Variants in ANGPT1 observed in about 807,000 individuals in gnomAD.
ANGPT1 encodes the protein angiopoietin-1.
Under a neutral mutation model 62.2 loss-of-function variants are expected in ANGPT1, and 17 were observed. The ratio of observed to expected loss-of-function variants is 0.27; its 90% CI spans 0.19 to 0.41. The LOEUF (loss-of-function observed/expected upper bound fraction) is 0.41. Ranked by LOEUF, ANGPT1 falls within the 10% of genes least tolerant of loss-of-function variation. The probability of loss-of-function intolerance (pLI) is 1.00; values close to 1 mark genes in which losing one functional copy is unlikely to be tolerated. For synonymous variants in ANGPT1, 199 were observed against 198.9 expected, an observed-to-expected ratio of 1.00 and a Z score of 0.00; for missense variants, 478 against 594.9, an observed-to-expected ratio of 0.80 and a Z score of 2.04.
At chr8:107,416,566 T>G (rs1408465667) in intron 1 of ANGPT1, among the ~76,000 whole-genome samples, 1 of 152,120 alleles carries the variant, frequency 6.6e-6, no homozygotes, top group African/African-American at 2.4e-5. Context: ...CTTTGGCCTT[T>G]TATGGAAACC....
intron 8 of ANGPT1, among the ~76,000 whole-genome samples, chr8:107,259,397 T>C (rs756406559): frequency 1.3e-5 from 2 of 152,148 alleles, no homozygotes; most frequent in African/African-American, 2.4e-5. Context: ...TGTTAGCATC[T>C]GGAAAGTTCT....
intron 1 of ANGPT1, among the ~76,000 whole-genome samples, chr8:107,432,221 T>C (rs889916527): frequency 6.6e-6 from 1 of 151,984 alleles, no homozygotes; most frequent in African/African-American, 2.4e-5. Context: ...TAGACTAAAA[T>C]ATAAATATTC....
chr8:107,382,500 C>T lies in ANGPT1; in HGVS notation c.298-35403G>A, dbSNP rs1037702318. On this transcript the variant is annotated intron_variant, in intron 1 of 8. Coordinates refer to ENST00000517746, the MANE Select transcript of ANGPT1 (RefSeq NM_001146.5). ...ATAGCACCAGGGTATTGCAGATATC[C>T]AACAGTGCTGTGCTGATAAATTTTG... 4.5e-4 allele frequency among the ~76,000 whole-genome samples: 68 copies of T among 151,146 alleles called. 1 individual carries two copies. Among genetic ancestry groups the T allele is most frequent in the Admixed American group, 6.6e-5 (1 of 15,094 alleles).
At chr8:107,391,758 G>C (rs1338977341) in intron 1 of ANGPT1, among the ~76,000 whole-genome samples, 2 of 152,168 alleles carry the variant, frequency 1.3e-5, no homozygotes, top group African/African-American at 4.8e-5. Flanking sequence ...GTATGGTATA[G>C]TCCACTGAAC....
At chr8:107,459,193 A>G (rs900899304) in intron 1 of ANGPT1, among the ~76,000 whole-genome samples, 9 of 151,992 alleles carry the variant, frequency 5.9e-5, no homozygotes, top group African/African-American at 2.2e-4. Context: ...GAGCTCCGCA[A>G]CTCCATGGAG....
At position 107,263,269 on chromosome 8, in the gene ANGPT1, G is replaced by A. The variant is rs575969830; in HGVS notation, c.1336+952C>T. On this transcript the variant is annotated intron_variant, in intron 8 of 8. Coordinates refer to ENST00000517746, the MANE Select transcript of ANGPT1 (RefSeq NM_001146.5). Reference sequence around the variant, plus strand: ...CTCGGGAGGCTGAGGCAGGAGAATCGCTTGAACCCAGGAGGTGGAGGCTGC... The same window carrying A: ...CTCGGGAGGCTGAGGCAGGAGAATCACTTGAACCCAGGAGGTGGAGGCTGC... Among the ~76,000 whole-genome samples, 256 of 143,686 alleles carry A rather than the reference G, an allele frequency of 1.8e-3. 1 individual carries two copies. Among genetic ancestry groups the A allele is most frequent in the African/African-American group, 6.3e-3 (241 of 38,398 alleles). The allele number at this position is 143,686 out of a possible 152,430, so 94.3% of individuals were successfully genotyped here. A position where few individuals can be genotyped will look rare whatever the true frequency, so the allele number is the denominator to read the frequency against.
chr8:107,495,175 C>T (rs1813060209), intron 1 of ANGPT1, among the ~76,000 whole-genome samples: 1 of 152,168 alleles, frequency 6.6e-6, no homozygotes, highest in Non-Finnish European at 1.5e-5. Context: ...TCTTGATCCT[C>T]CAACCAATCA....
At chr8:107,252,522 T>A (rs1231276791) in intron 8 of ANGPT1, among the ~76,000 whole-genome samples, 1 of 152,218 alleles carries the variant, frequency 6.6e-6, no homozygotes, top group Non-Finnish European at 1.5e-5. Flanking sequence ...TAATTGGCCC[T>A]AAGCTGCTTC....
At chr8:107,278,330 C>G (rs1014077156) in intron 7 of ANGPT1, among the ~76,000 whole-genome samples, 1 of 152,142 alleles carries the variant, frequency 6.6e-6, no homozygotes, top group African/African-American at 2.4e-5. Context: ...GCAGTCCTCC[C>G]ACTTTGGCCT....
chr8:107,293,939 T>C lies in ANGPT1; in HGVS notation c.1035A>G (p.Lys345=), dbSNP rs1733303008. The change falls in exon 6 of 9, where the codon AAA becomes AAG. Residue 345 remains lysine (K), a synonymous_variant. Coordinates refer to ENST00000517746, the MANE Select transcript of ANGPT1 (RefSeq NM_001146.5). The part of the protein sequence containing the change: ...LDFQRGWKEY[K]MGFGNPSGEY... Reference sequence around the variant, plus strand: ...ACCATAAATTCTTGCATCTTACCATTTTATATTCCTTCCAGCCTCTTTGGA... The same window carrying C: ...ACCATAAATTCTTGCATCTTACCATCTTATATTCCTTCCAGCCTCTTTGGA... The C allele has an allele frequency of 6.2e-7, 1 of 1,611,366 alleles. No individual in the cohort carries two copies. The highest frequency in any genetic ancestry group is 1.7e-5 in the Admixed American group (1 of 59,632).
intron 6 of ANGPT1, among the ~76,000 whole-genome samples, chr8:107,291,507 G>C (rs1814272679): frequency 6.6e-6 from 1 of 152,022 alleles, no homozygotes; most frequent in Non-Finnish European, 1.5e-5. Flanking sequence ...TGCCTCCCAG[G>C]TTCAAGCGAT....
At chr8:107,321,041 A>G (rs1050793405) in intron 4 of ANGPT1, among the ~76,000 whole-genome samples, 6 of 152,078 alleles carry the variant, frequency 3.9e-5, no homozygotes, top group Non-Finnish European at 7.4e-5. Flanking sequence ...CATTCAGAGA[A>G]AGGCTGATTA....
intron 1 of ANGPT1, among the ~76,000 whole-genome samples, chr8:107,432,890 T>C (rs1201891175): frequency 2.0e-5 from 3 of 152,190 alleles, no homozygotes; most frequent in Non-Finnish European, 1.5e-5. Context: ...CAGAATCTTC[T>C]GGTTTAATCG....
intron 1 of ANGPT1, among the ~76,000 whole-genome samples, chr8:107,429,648 GAAA>G (rs34291237): frequency 0.33 from 39,717 of 118,946 alleles, 6,475 homozygotes; most frequent in Middle Eastern, 0.48. Context: ...GCTCCAGGAG[GAAA>G]AAAAAAAAAA....
chr8:107,336,664 C>CAAAAAA, intron 2 of ANGPT1: 1 of 61,356 alleles, frequency 1.6e-5, no homozygotes, highest in Non-Finnish European at 2.9e-5. Flanking sequence ...GACTCTGTCT[C>CAAAAAA]AAAAAAAAAA....
intron 1 of ANGPT1, among the ~76,000 whole-genome samples, chr8:107,390,167 A>G (rs1487633586): frequency 2.0e-5 from 3 of 152,126 alleles, no homozygotes; most frequent in South Asian, 4.1e-4. Flanking sequence ...CTAGTTCCTT[A>G]TTTTTAATCT....
At chr8:107,270,282 A>C (rs1813707647) in intron 7 of ANGPT1, among the ~76,000 whole-genome samples, 1 of 152,022 alleles carries the variant, frequency 6.6e-6, no homozygotes, top group African/African-American at 2.4e-5. Context: ...TTTGGCCTCA[A>C]CCCTTTTAAA....
chr8:107,458,352 G>A (rs1334432102), intron 1 of ANGPT1, among the ~76,000 whole-genome samples: 3 of 152,058 alleles, frequency 2.0e-5, no homozygotes, highest in Non-Finnish European at 4.4e-5. Context: ...TTCAGCTTGT[G>A]ATATTAATAA....
chr8:107,336,185 C>G lies in ANGPT1; in HGVS notation c.540G>C (p.Gln180His), dbSNP rs370541556. Reference sequence around the variant, plus strand: ...CATGGATCTTCAAGATTTCATTTGTCTGTTGAAGAAGTTGCTTCTCTAGCT... The same window carrying G: ...CATGGATCTTCAAGATTTCATTTGTGTGTTGAAGAAGTTGCTTCTCTAGCT... ...TYKLEKQLLQ[Q>H]TNEILKIHEK... is the part of the protein sequence containing the mutation. The change falls in exon 3 of 9, where the codon CAG (glutamine) becomes CAC (histidine). Residue 180 changes from glutamine (Q) to histidine (H), a missense_variant. This residue lies in a region of ANGPT1 where 343 missense variants were observed against 355.4 expected (regional missense o/e 0.97). Coordinates refer to ENST00000517746, the MANE Select transcript of ANGPT1 (RefSeq NM_001146.5). 1 of 1,605,850 alleles carries G rather than the reference C, an allele frequency of 6.2e-7. No individual in the cohort carries two copies. Among genetic ancestry groups the G allele is most frequent in the South Asian group, 1.1e-5 (1 of 89,144 alleles).
Sources: gnomAD v4.1 joint callset for allele counts (sites outside exome capture counted in the v4.1 genomes callset) on GRCh38, gnomAD v4.1.1 for gene constraint, gnomAD v4.1.1 regional missense constraint, MANE v1.5 for transcripts, NCBI Gene and HGNC (gene_info 2026-07-23, HGNC 2026-07-21) for gene names.